Variants in RNF216 observed in about 807,000 individuals in gnomAD.
RNF216 encodes ring finger protein 216, also known as E3 ubiquitin-protein ligase RNF216.
RNF216 carries 72 observed loss-of-function variants against 110.8 expected under a neutral mutation model. That is an observed-to-expected ratio of 0.65 (90% confidence interval 0.54 to 0.79). RNF216 has a LOEUF of 0.79. RNF216 is among the 30% of genes least tolerant of loss of function. The pLI is 0.00. For synonymous variants in RNF216, 495 were observed against 407.5 expected, an observed-to-expected ratio of 1.21 and a Z score of -2.59; for missense variants, 1,342 against 1,141.2, an observed-to-expected ratio of 1.18 and a Z score of -2.54.
chr7:5,707,127 T>C (rs1389940164), intron 13 of RNF216, among the ~76,000 whole-genome samples: 2 of 152,236 alleles, frequency 1.3e-5, no homozygotes, highest in African/African-American at 4.8e-5. Flanking sequence ...TATGTTCCAT[T>C]GGTCTACATG....
intron 13 of RNF216, 27 bp downstream of exon 13, chr7:5,711,734 C>A (rs1306085110): frequency 6.3e-7 from 1 of 1,588,822 alleles, no homozygotes; most frequent in Admixed American, 1.7e-5. Context: ...ATTCAATATA[C>A]ATCTAGAAAA....
intron 13 of RNF216, among the ~76,000 whole-genome samples, chr7:5,695,487 G>A (rs1791569426): frequency 6.6e-6 from 1 of 152,228 alleles, no homozygotes; most frequent in Non-Finnish European, 1.5e-5. Context: ...GGCACGGGGT[G>A]AGCACGGTTG....
rs540299566 is a variant in RNF216 at position 5,620,279 on chromosome 7, T to A, written c.*2581A>T. ...AAATACTAGATTCCTCTCTCCAGTT[T>A]TAAGGCAAGTAAGAGGGGGCTGTGG... On this transcript the variant is annotated 3_prime_UTR_variant, in exon 17 of 17. Transcript: ENST00000389902. 7 of 152,368 alleles carry A rather than the reference T, an allele frequency of 4.6e-5. No homozygotes were observed. The South Asian group carries it at 1.4e-3, about 32-fold the overall frequency. 9.4% of individuals were successfully genotyped at this position (152,368 alleles called of 1,614,324 possible).
intron 5 of RNF216, 142 bp from the exon 6 acceptor site, chr7:5,730,959 G>C (rs1279557230): frequency 7.8e-7 from 1 of 1,287,050 alleles, no homozygotes. Flanking sequence ...TTGTAGCCCA[G>C]AAAAACTAAA....
At chr7:5,764,850 G>A (rs912872465) in intron 1 of RNF216, among the ~76,000 whole-genome samples, 1 of 151,684 alleles carries the variant, frequency 6.6e-6, no homozygotes, top group African/African-American at 2.4e-5. Context: ...GACAATCACT[G>A]GAGGTCAGAA....
At chr7:5,750,588 G>A (rs780040792) in intron 3 of RNF216, among the ~76,000 whole-genome samples, 1 of 152,214 alleles carries the variant, frequency 6.6e-6, no homozygotes, top group South Asian at 2.1e-4. Flanking sequence ...AGCCCTATAA[G>A]CTGAAGCTGG....
chr7:5,715,134 C>A lies in RNF216; in HGVS notation c.1752G>T (p.Leu584=). Residue 584 remains leucine (L), a synonymous_variant, in exon 11 of 17, where the codon CTG becomes CTT. Transcript: ENST00000389902. ...ACAAGTGAGCATCTGCGCACTGCGTCAGCTCCTCGAATGGAAATTCCCCAT... is the reference window on the plus strand; with the variant it reads ...ACAAGTGAGCATCTGCGCACTGCGTAAGCTCCTCGAATGGAAATTCCCCAT... The part of the protein sequence containing the change: ...CCYGEFPFEE[L]TQCADAHLFC... 6.2e-7 allele frequency: 1 copy of A among 1,613,976 alleles called. No individual in the cohort carries two copies. The highest frequency in any genetic ancestry group is 8.5e-7 in the Non-Finnish European group (1 of 1,180,022).
chr7:5,778,018 G>A (rs746295834), intron 1 of RNF216, among the ~76,000 whole-genome samples: 8 of 152,198 alleles, frequency 5.3e-5, no homozygotes, highest in African/African-American at 1.2e-4. Flanking sequence ...CAAAGGACAT[G>A]CTTCTGCTTC....
At chr7:5,671,868 C>T (rs1222162396) in intron 13 of RNF216, among the ~76,000 whole-genome samples, 1 of 148,112 alleles carries the variant, frequency 6.8e-6, no homozygotes, top group African/African-American at 2.5e-5. Context: ...CAGAAAAGAC[C>T]ATGTGAGGAC....
chr7:5,671,674 G>A (rs1196452716), intron 13 of RNF216, among the ~76,000 whole-genome samples: 3 of 151,876 alleles, frequency 2.0e-5, no homozygotes, highest in East Asian at 1.9e-4. Flanking sequence ...GCGCGGTGGC[G>A]GGCACCTGTA....
rs1291888892 is a variant in RNF216 at position 5,748,605 on chromosome 7, TATACATACACACACACAC to T, written c.201+4223_201+4240del. Among the ~76,000 whole-genome samples, 268 of 116,032 alleles carry T rather than the reference TATACATACACACACACAC, an allele frequency of 2.3e-3. 5 individuals are homozygous for T. Among genetic ancestry groups the T allele is most frequent in the East Asian group, 0.016 (66 of 4,046 alleles). 76.1% of individuals were successfully genotyped at this position (116,032 alleles called of 152,430 possible). On this transcript the variant is annotated intron_variant, in intron 3 of 16. Coordinates refer to ENST00000389902, the MANE Select transcript of RNF216 (RefSeq NM_207111.4). ...TTATAAGAATGCAGTATATTTTTTA[TATACATACACACACACAC>T]ACACACACACACACACACACACACA... is the stretch of plus-strand genomic sequence containing the variant.
At chr7:5,682,388 G>A (rs1384862623) in intron 13 of RNF216, among the ~76,000 whole-genome samples, 1 of 151,724 alleles carries the variant, frequency 6.6e-6, no homozygotes, top group Non-Finnish European at 1.5e-5. Flanking sequence ...AAGGAGAGAT[G>A]ACAGTTTTAC....
chr7:5,644,100 GT>G (rs199543105), intron 14 of RNF216, among the ~76,000 whole-genome samples: 1 of 151,866 alleles, frequency 6.6e-6, no homozygotes. Context: ...GATGGATTGA[GT>G]TTTTTTTGCT....
intron 1 of RNF216, among the ~76,000 whole-genome samples, chr7:5,768,296 A>G (rs1173391938): frequency 3.7e-4 from 12 of 32,204 alleles, no homozygotes; most frequent in Non-Finnish European, 7.2e-4. Flanking sequence ...ATTAGGGGGA[A>G]AAAAAAAAAA....
chr7:5,660,416 C>T (rs1181358892), intron 13 of RNF216, among the ~76,000 whole-genome samples: 8 of 150,658 alleles, frequency 5.3e-5, no homozygotes, highest in East Asian at 1.9e-4. Context: ...CTCAGCCTCT[C>T]GAGTAGATGG....
chr7:5,628,094 G>GA (rs1786829772), intron 15 of RNF216, among the ~76,000 whole-genome samples: 1 of 152,114 alleles, frequency 6.6e-6, no homozygotes, highest in Non-Finnish European at 1.5e-5. Flanking sequence ...GAGGAAGAGG[G>GA]AGCCTCAGAG....
chr7:5,625,998 T>G (rs1275008806), intron 15 of RNF216, among the ~76,000 whole-genome samples: 1 of 152,260 alleles, frequency 6.6e-6, no homozygotes, highest in Non-Finnish European at 1.5e-5. Context: ...GCCTCCTTGC[T>G]GCTGCCTGGC....
chr7:5,754,944 C>A (rs917598157), intron 2 of RNF216, among the ~76,000 whole-genome samples: 3 of 150,830 alleles, frequency 2.0e-5, no homozygotes, highest in Admixed American at 2.0e-4. Context: ...AGGAGAATCG[C>A]TTTAACCTGG....
At chr7:5,718,660 C>T (rs942167464) in intron 9 of RNF216, among the ~76,000 whole-genome samples, 10 of 151,762 alleles carry the variant, frequency 6.6e-5, no homozygotes, top group African/African-American at 2.2e-4. Flanking sequence ...AAGCAATTCT[C>T]GTGCCTCATC....
Sources: gnomAD v4.1 joint callset for allele counts (sites outside exome capture counted in the v4.1 genomes callset) on GRCh38, gnomAD v4.1.1 for gene constraint, MANE v1.5 for transcripts, NCBI Gene and HGNC (gene_info 2026-07-23, HGNC 2026-07-21) for gene names.